FAM193A: variants seen among roughly 807,000 people sequenced by gnomAD.
The protein encoded by FAM193A is protein FAM193A.
Under a neutral mutation model 126.5 loss-of-function variants are expected in FAM193A, and 22 were observed. That is an observed-to-expected ratio of 0.17 (90% CI 0.12 to 0.25). FAM193A has a LOEUF of 0.25. Ranked by LOEUF, FAM193A falls within the 10% of genes least tolerant of loss-of-function variation. The probability of loss-of-function intolerance (pLI) is 1.00; values close to 1 mark genes in which losing one functional copy is unlikely to be tolerated. For synonymous variants in FAM193A, 761 were observed against 646.8 expected (o/e 1.18, Z -2.68); for missense variants, 1,675 against 1,672.8 (o/e 1.00, Z -0.02).
At chr4:2,581,255 C>CTTTT (rs34915273) in intron 1 of FAM193A, among the ~76,000 whole-genome samples, 3 of 135,914 alleles carry the variant, frequency 2.2e-5, no homozygotes, top group African/African-American at 2.7e-5. Context: ...TTCTTTCTTT[C>CTTTT]TTTTTTTTTT....
At chr4:2,654,378 ATTTTTTTTTTTT>A (rs372926172) in intron 7 of FAM193A, 7 of 114,588 alleles carry the variant, frequency 6.1e-5, no homozygotes, top group African/African-American at 2.4e-4. Flanking sequence ...TGCCTGGCTA[ATTTTTTTTTTTT>A]TTTTTTTTTT....
chr4:2,562,064 A>G (rs925533957), intron 1 of FAM193A, among the ~76,000 whole-genome samples: 4 of 152,136 alleles, frequency 2.6e-5, no homozygotes, highest in Non-Finnish European at 4.4e-5. Context: ...CAGTTTCCAC[A>G]TCTGTCAGGT....
At chr4:2,609,856 G>A (rs1370070897) in intron 2 of FAM193A, among the ~76,000 whole-genome samples, 1 of 151,926 alleles carries the variant, frequency 6.6e-6, no homozygotes, top group Non-Finnish European at 1.5e-5. Flanking sequence ...TCTAACCCGG[G>A]AGGCTGAGGT....
chr4:2,578,195 T>G (rs1403501792), intron 1 of FAM193A, among the ~76,000 whole-genome samples: 1 of 152,154 alleles, frequency 6.6e-6, no homozygotes, highest in Non-Finnish European at 1.5e-5. Flanking sequence ...CCTCCTTGAG[T>G]AGCTGAGACC....
intron 1 of FAM193A, among the ~76,000 whole-genome samples, chr4:2,552,313 T>C (rs80082107): frequency 1.3e-3 from 1 of 766 alleles, no homozygotes; most frequent in East Asian, 0.062. Flanking sequence ...GCCCGGCTGA[T>C]TTTTTTTTGG....
intron 2 of FAM193A, among the ~76,000 whole-genome samples, chr4:2,609,714 G>A (rs2108939281): frequency 6.6e-6 from 1 of 152,232 alleles, no homozygotes; most frequent in Admixed American, 6.5e-5. Context: ...TGGATCATGA[G>A]GTCAGGAGAT....
chr4:2,541,446 CTTTT>C (rs576194070), intron 1 of FAM193A, among the ~76,000 whole-genome samples: 3 of 137,838 alleles, frequency 2.2e-5, no homozygotes, highest in South Asian at 2.3e-4. Context: ...TCATTGTGTA[CTTTT>C]TTTTTTTTTT....
In FAM193A at chr4:2,700,382, A is replaced by C; in HGVS notation, c.4210A>C (p.Asn1404His). Reference sequence around the variant, plus strand: ...TAATAACAATAACAAAAAGCAGCTGAACCACATCAAGGACGAAAAGTCAAA... The same window carrying C: ...TAATAACAATAACAAAAAGCAGCTGCACCACATCAAGGACGAAAAGTCAAA... ...NSNNNNKKQL[N>H]HIKDEKSNPT... The change falls in exon 19 of 21, where the codon AAC becomes CAC. Residue 1404 changes from asparagine to histidine, a missense_variant. Physicochemically the swap from Asn to His is moderately conservative, Grantham distance 68. Coordinates refer to ENST00000637812, the MANE Select transcript of FAM193A (RefSeq NM_001366318.2). 2 of 1,614,154 alleles carry C rather than the reference A, an allele frequency of 1.2e-6. No individual in the cohort carries two copies. The highest frequency in any genetic ancestry group is 1.7e-6 in the Non-Finnish European group (2 of 1,180,030).
At chr4:2,553,503 C>T (rs1738072722) in intron 1 of FAM193A, among the ~76,000 whole-genome samples, 1 of 151,760 alleles carries the variant, frequency 6.6e-6, no homozygotes, top group Non-Finnish European at 1.5e-5. Flanking sequence ...GCCTCAGCCC[C>T]CTGAGTAGCT....
intron 1 of FAM193A, among the ~76,000 whole-genome samples, chr4:2,587,711 AAAAG>A (rs1028524305): frequency 1.5e-4 from 23 of 152,126 alleles, no homozygotes; most frequent in African/African-American, 5.3e-4. Context: ...AAATAAAAGA[AAAAG>A]AAAAAAATTT....
At chr4:2,639,422 A>C (rs759557356) in intron 5 of FAM193A, among the ~76,000 whole-genome samples, 2 of 152,022 alleles carry the variant, frequency 1.3e-5, no homozygotes, top group Non-Finnish European at 2.9e-5. Context: ...GTGAGAAATG[A>C]CTCTCAAACG....
At chr4:2,566,860 A>C (rs1208343343) in intron 1 of FAM193A, among the ~76,000 whole-genome samples, 1 of 152,206 alleles carries the variant, frequency 6.6e-6, no homozygotes, top group African/African-American at 2.4e-5. Context: ...AAAAATACAA[A>C]AATGTGATAC....
chr4:2,667,173 G>A (rs1713212747), intron 12 of FAM193A, among the ~76,000 whole-genome samples: 1 of 152,180 alleles, frequency 6.6e-6, no homozygotes, highest in South Asian at 2.1e-4. Flanking sequence ...ATGAAAGTTT[G>A]ATCAAATTGG....
At chr4:2,545,687 A>T (rs1380930467) in intron 1 of FAM193A, among the ~76,000 whole-genome samples, 2 of 152,230 alleles carry the variant, frequency 1.3e-5, no homozygotes, top group African/African-American at 2.4e-5. Context: ...GATACTAATT[A>T]AAAAAATTTT....
In FAM193A at chr4:2,590,470, AAAAAAC is replaced by A. The variant is rs1375054784; in HGVS notation, c.256-5608_256-5603del. Among the ~76,000 whole-genome samples, 149 of 87,528 alleles carry A rather than the reference AAAAAAC, an allele frequency of 1.7e-3. 20 individuals carry two copies. Among genetic ancestry groups the A allele is most frequent in the African/African-American group, 9.9e-3 (134 of 13,600 alleles). The allele number at this position is 87,528 out of a possible 152,430, so 57.4% of individuals were successfully genotyped here. On this transcript the variant is annotated intron_variant, in intron 1 of 20. Transcript: ENST00000637812. ...CAGAGCGAGACTCCATCTCAAAAAA[AAAAAAC>A]AAAAAAAAACAAAAAAAAACAAAAA...
intron 1 of FAM193A, among the ~76,000 whole-genome samples, chr4:2,572,740 A>G (rs1485462450): frequency 6.7e-6 from 1 of 149,584 alleles, no homozygotes; most frequent in Non-Finnish European, 1.5e-5. Flanking sequence ...GATTAAGTGC[A>G]GTTGGGAACA....
chr4:2,706,458 G>A (rs1013097245), intron 19 of FAM193A, among the ~76,000 whole-genome samples: 57 of 151,604 alleles, frequency 3.8e-4, no homozygotes, highest in African/African-American at 1.2e-3. Context: ...CACCACACCC[G>A]GCTAATTTTA....
chr4:2,671,989 C>G (rs1713850609), intron 12 of FAM193A, 132 bp from the exon 13 acceptor site: 1 of 877,402 alleles, frequency 1.1e-6, no homozygotes, highest in African/African-American at 1.7e-5. Flanking sequence ...AGGCCCTGGT[C>G]AACTCAGGGT....
At chr4:2,672,415 A>G (rs1713924406) in intron 13 of FAM193A, 43 bp downstream of exon 13, 2 of 1,606,970 alleles carry the variant, frequency 1.2e-6, no homozygotes, top group Non-Finnish European at 8.5e-7. Context: ...CTCTTCACTG[A>G]GATCCTACAG....
Sources: allele counts gnomAD v4.1 joint callset (sites outside exome capture counted in the v4.1 genomes callset), GRCh38; gene constraint gnomAD v4.1.1; transcripts MANE v1.5; gene names NCBI Gene and HGNC (gene_info 2026-07-23, HGNC 2026-07-21).